The following APPBP2 variants were observed in gnomAD, a reference collection of about 807,000 sequenced individuals.
APPBP2 encodes amyloid beta precursor protein binding protein 2.
APPBP2 carries 15 observed loss-of-function variants against 76.0 expected under a neutral mutation model. That is an observed-to-expected ratio of 0.20 (90% CI 0.13 to 0.30). The LOEUF is 0.30. Ranked by LOEUF, APPBP2 falls within the 10% of genes least tolerant of loss-of-function variation. APPBP2 has a pLI of 1.00. For synonymous variants in APPBP2, 222 were observed against 242.2 expected, an observed-to-expected ratio of 0.92 and a Z score of 0.77; for missense variants, 401 against 687.2, an observed-to-expected ratio of 0.58 and a Z score of 4.66.
rs9894766 is a variant in APPBP2 at position 60,511,553 on chromosome 17, C to T, written c.139-11066G>A. 5.3e-5 allele frequency among the ~76,000 whole-genome samples: 8 copies of T among 150,658 alleles called. No homozygotes were observed. The South Asian group carries it at 1.7e-3, about 32-fold the overall frequency. ...TGAGCCGAGATCGCATCACTGTATT[C>T]CAGCCTGGCGACAGAGCAAGACTCC... On this transcript the variant is annotated intron_variant, in intron 1 of 12. Coordinates refer to ENST00000083182, the MANE Select transcript of APPBP2 (RefSeq NM_006380.5).
rs776425727 is a variant in APPBP2 at position 60,500,508 on chromosome 17, TTTA to T, written c.139-24_139-22del. 1.6e-4 allele frequency: 256 copies of T among 1,558,744 alleles called. 1 individual carries two copies. The African/African-American group carries it at 2.6e-3, about 16-fold the overall frequency. On this transcript the variant is annotated intron_variant, in intron 1 of 12. Coordinates refer to ENST00000083182, the MANE Select transcript of APPBP2 (RefSeq NM_006380.5). ...TAAAGCTGAAATAAAAAACAAATGATTTAAAAATTTTGCAATTTAATTCTTCTT... is the reference window on the plus strand; with the variant it reads ...TAAAGCTGAAATAAAAAACAAATGATAAAATTTTGCAATTTAATTCTTCTT...
chr17:60,508,595 A>G (rs1371705617), intron 1 of APPBP2, among the ~76,000 whole-genome samples: 6 of 152,154 alleles, frequency 3.9e-5, no homozygotes, highest in Non-Finnish European at 8.8e-5. Flanking sequence ...CCTGTAAGCA[A>G]AGAGACCTGG....
chr17:60,454,386 T>C lies in APPBP2; in HGVS notation c.1254A>G (p.Lys418=). The part of the protein sequence containing the change: ...DLHLSSLQLA[K]KAFGEFNVQT... ...GTACATTAAATTCCCCAAAAGCTTT[T>C]TTAGCTAGTTGGAGTGAAGACAGGT... The change falls in exon 11 of 13, where the codon AAA becomes AAG. Residue 418 remains lysine (K), a synonymous_variant. Coordinates refer to ENST00000083182, the MANE Select transcript of APPBP2 (RefSeq NM_006380.5). 6.2e-7 allele frequency: 1 copy of C among 1,612,874 alleles called. No individual in the cohort carries two copies. The highest frequency in any genetic ancestry group is 8.5e-7 in the Non-Finnish European group (1 of 1,179,366).
intron 12 of APPBP2, among the ~76,000 whole-genome samples, chr17:60,448,160 AGGC>A (rs2090364865): frequency 6.6e-6 from 1 of 152,222 alleles, no homozygotes; most frequent in Admixed American, 6.5e-5. Context: ...ACACATGCAC[AGGC>A]CAGTCATGGT....
chr17:60,525,598 G>T (rs1308636083), intron 1 of APPBP2, among the ~76,000 whole-genome samples, 196 bp downstream of exon 1: 1 of 152,160 alleles, frequency 6.6e-6, no homozygotes, highest in Non-Finnish European at 1.5e-5. Flanking sequence ...TTACTTCAAG[G>T]CCCCAAAGCT....
intron 6 of APPBP2, chr17:60,462,567 G>A (rs916875513): frequency 6.5e-6 from 1 of 154,760 alleles, no homozygotes. Context: ...ACAGGGATGT[G>A]CCACTGTGCA....
In APPBP2 at chr17:60,443,926, T is replaced by A. The variant is rs2090323600; in HGVS notation, c.*3655A>T. 6.6e-6 allele frequency: 1 copy of A among 152,452 alleles called. No individual in the cohort carries two copies. The highest frequency in any genetic ancestry group is 2.1e-4 in the South Asian group (1 of 4,822). 9.4% of individuals were successfully genotyped at this position (152,452 alleles called of 1,614,324 possible). A position where few individuals can be genotyped will look rare whatever the true frequency, so the allele number is the denominator to read the frequency against. On this transcript the variant is annotated 3_prime_UTR_variant, in exon 13 of 13. Transcript: ENST00000083182. ...TCCTGAGATTTATGGACAAAAGAAGTACTGTTGAAGCTGGAGATTAATCCA... is the reference window on the plus strand; with the variant it reads ...TCCTGAGATTTATGGACAAAAGAAGAACTGTTGAAGCTGGAGATTAATCCA...
chr17:60,492,965 T>C (rs986037394), intron 3 of APPBP2, among the ~76,000 whole-genome samples: 6 of 152,202 alleles, frequency 3.9e-5, no homozygotes, highest in Non-Finnish European at 8.8e-5. Flanking sequence ...TTCCCATAAT[T>C]CCCACGTGTT....
At position 60,503,313 on chromosome 17, in the gene APPBP2, C is replaced by A. The variant is rs1354035027; in HGVS notation, c.139-2826G>T. 5.5e-5 allele frequency among the ~76,000 whole-genome samples: 8 copies of A among 146,102 alleles called. 3 individuals carry two copies. Among genetic ancestry groups the A allele is most frequent in the African/African-American group, 2.2e-4 (8 of 35,806 alleles). ...GGCATGAGTTTCTCTAGTTAAAATG[C>A]GCTCACATTTAAATTGACGGGAAAG... On this transcript the variant is annotated intron_variant, in intron 1 of 12. Coordinates refer to ENST00000083182, the MANE Select transcript of APPBP2 (RefSeq NM_006380.5).
intron 4 of APPBP2, among the ~76,000 whole-genome samples, chr17:60,468,677 C>A (rs181318068): frequency 6.6e-6 from 1 of 152,302 alleles, no homozygotes; most frequent in African/African-American, 2.4e-5. Flanking sequence ...TCCATCTGGG[C>A]TGACACTAAG....
At chr17:60,453,293 C>A (rs1013591377) in intron 11 of APPBP2, among the ~76,000 whole-genome samples, 1 of 151,910 alleles carries the variant, frequency 6.6e-6, no homozygotes. Flanking sequence ...AAGCAATTCT[C>A]CTGTCTCAGC....
rs146968316 is a variant in APPBP2 at position 60,518,503 on chromosome 17, C to CGTGTGTGTGT, written c.138+7281_138+7290dup. ...ACAGGCATGAGCTACCATGCCCAGC[C>CGTGTGTGTGT]GTGTGTGTGTGTGTGTGTGTGTGTG... On this transcript the variant is annotated intron_variant, in intron 1 of 12. Transcript: ENST00000083182. Among the ~76,000 whole-genome samples the CGTGTGTGTGT allele has an allele frequency of 8.9e-4, 120 of 134,200 alleles. 12 individuals carry two copies. The highest frequency in any genetic ancestry group is 3.7e-3 in the African/African-American group (118 of 31,532). 88.0% of individuals were successfully genotyped at this position (134,200 alleles called of 152,430 possible). A position where few individuals can be genotyped will look rare whatever the true frequency, so the allele number is the denominator to read the frequency against.
At chr17:60,479,870 T>G (rs1270482564) in intron 3 of APPBP2, among the ~76,000 whole-genome samples, 1 of 152,178 alleles carries the variant, frequency 6.6e-6, no homozygotes, top group Non-Finnish European at 1.5e-5. Flanking sequence ...CTACACGAAC[T>G]CACTCATTTA....
At chr17:60,449,284 T>G (rs1205120487) in intron 12 of APPBP2, among the ~76,000 whole-genome samples, 1 of 149,394 alleles carries the variant, frequency 6.7e-6, no homozygotes, top group Non-Finnish European at 1.5e-5. Flanking sequence ...GAACACAGTA[T>G]AGCAGAGGGA....
intron 6 of APPBP2, 66 bp downstream of exon 6, chr17:60,463,955 A>G: frequency 8.8e-7 from 1 of 1,137,820 alleles, no homozygotes. Context: ...ATAACAGGTT[A>G]ATTAAAACAA....
In APPBP2 at chr17:60,489,899, G is replaced by C. The variant is rs1343593055; in HGVS notation, c.379+4567C>G. Among the ~76,000 whole-genome samples, 4 of 152,126 alleles carry C rather than the reference G, an allele frequency of 2.6e-5. No individual in the cohort carries two copies. In the East Asian group the frequency reaches 7.7e-4, roughly 29 times the overall value. Reference sequence around the variant, plus strand: ...AAAATACAAAAATTAGTTGGGTGTGGTGGCACACGCCTGTAATCTCGGCTA... The same window carrying C: ...AAAATACAAAAATTAGTTGGGTGTGCTGGCACACGCCTGTAATCTCGGCTA... On this transcript the variant is annotated intron_variant, in intron 3 of 12. Coordinates refer to ENST00000083182, the MANE Select transcript of APPBP2 (RefSeq NM_006380.5).
In APPBP2 at chr17:60,452,222, T is replaced by C. The variant is rs536714840; in HGVS notation, c.1339-177A>G. ...GCCTATGGGAAGCATTACAGAGTTT[T>C]GGAAACTGCAGATAAACTGATGACA... On this transcript the variant is annotated intron_variant, in intron 11 of 12. Transcript: ENST00000083182. Among the ~76,000 whole-genome samples the C allele has an allele frequency of 4.6e-5, 7 of 152,372 alleles. No homozygotes were observed. In the South Asian group the frequency reaches 1.4e-3, roughly 32 times the overall value.
At chr17:60,513,052 A>G (rs754855530) in intron 1 of APPBP2, 1 of 173,810 alleles carries the variant, frequency 5.8e-6, no homozygotes, top group Non-Finnish European at 1.2e-5. Flanking sequence ...CGTGGGTGCT[A>G]TAACAGGTTC....
intron 4 of APPBP2, among the ~76,000 whole-genome samples, chr17:60,471,852 G>A (rs529073964): frequency 1.3e-5 from 2 of 152,244 alleles, no homozygotes; most frequent in East Asian, 1.9e-4. Flanking sequence ...GGGGCTGGGC[G>A]CAGTGGCTCA....
Sources: gnomAD v4.1 joint callset for allele counts (sites outside exome capture counted in the v4.1 genomes callset) on GRCh38, gnomAD v4.1.1 for gene constraint, MANE v1.5 for transcripts, NCBI Gene and HGNC (gene_info 2026-07-23, HGNC 2026-07-21) for gene names.